Variants in CSMD1 observed in about 807,000 individuals in gnomAD.
CSMD1 encodes the protein CUB and sushi domain-containing protein 1.
A neutral mutation model predicts 417.5 loss-of-function variants in CSMD1; 213 were observed. That is an observed-to-expected ratio of 0.51 (90% CI 0.46 to 0.57). The LOEUF (loss-of-function observed/expected upper bound fraction) is 0.57. Among genes scored for constraint, CSMD1 ranks in the 20% least tolerant of loss-of-function variants. The pLI, the probability that CSMD1 is intolerant of heterozygous loss-of-function variation, is 0.00. For missense variants in CSMD1, 6,923 were observed against 4,529.7 expected (o/e 1.53, Z -15.17); for synonymous variants, 2,862 against 1,736.8 (o/e 1.65, Z -16.11).
intron 11 of CSMD1, among the ~76,000 whole-genome samples, chr8:3,486,732 T>C (rs1405425714): frequency 6.6e-6 from 1 of 152,216 alleles, no homozygotes; most frequent in Non-Finnish European, 1.5e-5. Flanking sequence ...AAGGTTGCCC[T>C]CAAGACACAT....
chr8:4,407,769 T>C (rs1039869419), intron 3 of CSMD1, among the ~76,000 whole-genome samples: 47 of 152,280 alleles, frequency 3.1e-4, no homozygotes, highest in African/African-American at 1.1e-3. Flanking sequence ...GTCAAGTAAA[T>C]ACAGAAATTT....
At chr8:3,177,001 C>T (rs546522724) in intron 37 of CSMD1, among the ~76,000 whole-genome samples, 1 of 152,012 alleles carries the variant, frequency 6.6e-6, no homozygotes, top group African/African-American at 2.4e-5. Flanking sequence ...TGGTCTTGAG[C>T]TTCTGGGCTC....
chr8:4,504,988 G>A (rs1802447030), intron 2 of CSMD1, among the ~76,000 whole-genome samples: 1 of 152,088 alleles, frequency 6.6e-6, no homozygotes, highest in African/African-American at 2.4e-5. Context: ...AATCCTTTGG[G>A]TATATACCCA....
intron 3 of CSMD1, among the ~76,000 whole-genome samples, chr8:4,086,029 G>A (rs1800400764): frequency 1.3e-5 from 2 of 152,060 alleles, no homozygotes; most frequent in South Asian, 4.1e-4. Flanking sequence ...GTGTGGTCCT[G>A]TTTTCAACAA....
At chr8:4,526,475 G>T (rs1213797102) in intron 2 of CSMD1, among the ~76,000 whole-genome samples, 1 of 152,086 alleles carries the variant, frequency 6.6e-6, no homozygotes, top group Non-Finnish European at 1.5e-5. Flanking sequence ...TTTACATCAG[G>T]TAATTATTGT....
intron 1 of CSMD1, among the ~76,000 whole-genome samples, chr8:4,757,551 G>C (rs1355959752): frequency 6.6e-6 from 1 of 152,174 alleles, no homozygotes; most frequent in African/African-American, 2.4e-5. Flanking sequence ...AGGTGACACA[G>C]ACTATTCTGG....
chr8:3,371,657 A>G (rs1809957940), intron 18 of CSMD1, among the ~76,000 whole-genome samples: 1 of 152,218 alleles, frequency 6.6e-6, no homozygotes, highest in Non-Finnish European at 1.5e-5. Flanking sequence ...TTCACAAAAG[A>G]ATTAGATAAT....
At chr8:3,844,341 T>C (rs1287316327) in intron 5 of CSMD1, among the ~76,000 whole-genome samples, 1 of 152,074 alleles carries the variant, frequency 6.6e-6, no homozygotes, top group Non-Finnish European at 1.5e-5. Context: ...TGACAATACT[T>C]CAGGAAGTCC....
At chr8:4,100,403 G>C (rs190822137) in intron 3 of CSMD1, among the ~76,000 whole-genome samples, 4 of 152,226 alleles carry the variant, frequency 2.6e-5, no homozygotes, top group African/African-American at 9.6e-5. Context: ...TGTCTAGTCA[G>C]CCAACTACTC....
At position 3,125,863 on chromosome 8, in the gene CSMD1, G is replaced by C. The variant is rs143491925; in HGVS notation, c.6242-7276C>G. On this transcript the variant is annotated intron_variant, in intron 41 of 69. Transcript: ENST00000635120. ...GTGGTAGCAGATGCCTGTAACCCCA[G>C]CTACTCGGGAGGCTGAGGCAGGAGA... Among the ~76,000 whole-genome samples, 1,156 of 152,268 alleles carry C rather than the reference G, an allele frequency of 7.6e-3. 16 individuals are homozygous for C. Among genetic ancestry groups the C allele is most frequent in the African/African-American group, 0.026 (1,071 of 41,534 alleles).
chr8:3,213,482 G>A (rs1797725932), intron 30 of CSMD1, among the ~76,000 whole-genome samples: 1 of 152,158 alleles, frequency 6.6e-6, no homozygotes, highest in Non-Finnish European at 1.5e-5. Context: ...ACACCCACAG[G>A]GCAGCTGCTG....
chr8:4,607,890 T>C (rs1214471320), intron 2 of CSMD1, among the ~76,000 whole-genome samples: 1 of 152,184 alleles, frequency 6.6e-6, no homozygotes, highest in Non-Finnish European at 1.5e-5. Context: ...GAATTCCTTC[T>C]TACTGTGGTG....
intron 42 of CSMD1, among the ~76,000 whole-genome samples, chr8:3,117,991 C>A (rs1214036739): frequency 6.6e-6 from 1 of 152,138 alleles, no homozygotes; most frequent in African/African-American, 2.4e-5. Context: ...AAAAGCTAAA[C>A]AAAAAGAAAC....
At chr8:4,913,078 C>T (rs904404655) in intron 1 of CSMD1, among the ~76,000 whole-genome samples, 6 of 152,098 alleles carry the variant, frequency 3.9e-5, no homozygotes, top group Non-Finnish European at 8.8e-5. Context: ...GGTGAGCCCC[C>T]ACAAGTGGCC....
intron 18 of CSMD1, among the ~76,000 whole-genome samples, chr8:3,375,456 C>G (rs1198228878): frequency 6.6e-6 from 1 of 152,044 alleles, no homozygotes; most frequent in East Asian, 1.9e-4. Flanking sequence ...TATTTGAAGT[C>G]AGACTTAATG....
At chr8:3,117,237 A>T (rs1238120117) in intron 42 of CSMD1, among the ~76,000 whole-genome samples, 2 of 151,900 alleles carry the variant, frequency 1.3e-5, no homozygotes, top group Non-Finnish European at 2.9e-5. Flanking sequence ...CGCCCAGCTA[A>T]TTTTTTTGTA....
intron 1 of CSMD1, among the ~76,000 whole-genome samples, chr8:4,923,261 T>C (rs112341993): frequency 0.013 from 2,005 of 152,284 alleles, 35 homozygotes; most frequent in African/African-American, 0.046. Context: ...CTTCTACCCT[T>C]CACACTTGAC....
chr8:2,976,828 C>G (rs1233794273), intron 55 of CSMD1, among the ~76,000 whole-genome samples: 1 of 150,582 alleles, frequency 6.6e-6, no homozygotes, highest in African/African-American at 2.4e-5. Context: ...ATTTTTTTTT[C>G]AAGTCAAAGA....
intron 3 of CSMD1, among the ~76,000 whole-genome samples, chr8:4,129,215 G>A (rs368418831): frequency 1.3e-5 from 2 of 151,888 alleles, no homozygotes; most frequent in South Asian, 2.1e-4. Context: ...TTCAAATTCA[G>A]CAGATTCCTA....
Sources: allele counts gnomAD v4.1 joint callset (sites outside exome capture counted in the v4.1 genomes callset), GRCh38; gene constraint gnomAD v4.1.1; transcripts MANE v1.5; gene names NCBI Gene and HGNC (gene_info 2026-07-23, HGNC 2026-07-21).